KALRN: variants seen among roughly 807,000 people sequenced by gnomAD.
The protein encoded by KALRN is kalirin RhoGEF kinase.
KALRN carries 70 observed loss-of-function variants against 353.7 expected under a neutral mutation model. The observed-to-expected ratio is 0.20, with a 90% CI of 0.16 to 0.24. The LOEUF (loss-of-function observed/expected upper bound fraction) is 0.24. Ranked by LOEUF, KALRN falls within the 10% of genes least tolerant of loss-of-function variation. The pLI is 1.00. For synonymous variants in KALRN, 1,391 were observed against 1,434.8 expected (o/e 0.97, Z 0.69); for missense variants, 2,791 against 3,756.7 (o/e 0.74, Z 6.72).
chr3:124,113,029 G>A (rs532176593), intron 1 of KALRN, among the ~76,000 whole-genome samples: 1 of 152,290 alleles, frequency 6.6e-6, no homozygotes, highest in Admixed American at 6.5e-5. Flanking sequence ...AGGAAAAATA[G>A]TTAATAAATT....
At chr3:124,404,903 G>C (rs367746850) in intron 13 of KALRN, among the ~76,000 whole-genome samples, 1 of 151,910 alleles carries the variant, frequency 6.6e-6, no homozygotes, top group Non-Finnish European at 1.5e-5. Flanking sequence ...AAAACCATTC[G>C]AGACTGCAAG....
chr3:124,399,513 T>C (rs538952252), intron 13 of KALRN, among the ~76,000 whole-genome samples: 77 of 152,360 alleles, frequency 5.1e-4, no homozygotes, highest in African/African-American at 1.8e-3. Flanking sequence ...GCTGGTAGTT[T>C]GCTGATTGGA....
intron 4 of KALRN, among the ~76,000 whole-genome samples, chr3:124,267,418 TGA>T (rs2073690876): frequency 6.6e-6 from 1 of 152,232 alleles, no homozygotes; most frequent in African/African-American, 2.4e-5. Flanking sequence ...ACTGCTGGTC[TGA>T]GAGCTATGCT....
rs189944874 is a variant in KALRN at position 124,268,075 on chromosome 3, A to G, written c.457-668A>G. 3.9e-5 allele frequency among the ~76,000 whole-genome samples: 6 copies of G among 152,290 alleles called. No individual in the cohort carries two copies. In the East Asian group the frequency reaches 1.2e-3, roughly 29 times the overall value. On this transcript the variant is annotated intron_variant, in intron 4 of 59. Transcript: ENST00000682506. ...CTATAGGAAGGAAAAGATGTTTACT[A>G]ATAAACTAAGGTGGTTGCCTGCATC...
intron 30 of KALRN, 106 bp from the exon 31 acceptor site, chr3:124,491,217 C>T: frequency 1.5e-6 from 1 of 672,132 alleles, no homozygotes; most frequent in Non-Finnish European, 2.4e-6. Flanking sequence ...ACAGAAGCCC[C>T]TCCCTCGGTC....
At position 124,722,610 on chromosome 3, in the gene KALRN, T is replaced by C. The variant is rs332515; in HGVS notation, c.*3140T>C. 1.3e-5 allele frequency: 2 copies of C among 152,068 alleles called. No homozygotes were observed. The highest frequency in any genetic ancestry group is 4.8e-5 in the African/African-American group (2 of 41,462). 9.4% of individuals were successfully genotyped at this position (152,068 alleles called of 1,614,324 possible). ...AACAAGGAATCCCAGATGATGATGA[T>C]CCTGGGGAATGTACTTTAGGTTGCT... is the stretch of plus-strand genomic sequence containing the variant. On this transcript the variant is annotated 3_prime_UTR_variant, in exon 60 of 60. Coordinates refer to ENST00000682506, the MANE Select transcript of KALRN (RefSeq NM_001388419.1).
intron 51 of KALRN, among the ~76,000 whole-genome samples, chr3:124,691,990 A>G (rs932184114): frequency 1.3e-5 from 2 of 152,220 alleles, no homozygotes; most frequent in Admixed American, 1.3e-4. Context: ...CCTCCGGGGC[A>G]GGAAGTTGGT....
rs544717465 is a variant in KALRN at position 124,411,029 on chromosome 3, A to G, written c.2347-2441A>G. On this transcript the variant is annotated intron_variant, in intron 13 of 59. Coordinates refer to ENST00000682506, the MANE Select transcript of KALRN (RefSeq NM_001388419.1). ...TCTACTCAGCTGTAGCAAGGAATGA[A>G]CTAAACATACACACAGCAGCGTGGA... 6.6e-5 allele frequency among the ~76,000 whole-genome samples: 10 copies of G among 152,344 alleles called. No homozygotes were observed. In the East Asian group the frequency reaches 1.9e-3, roughly 29 times the overall value.
chr3:124,711,416 T>C (rs1013388040), intron 57 of KALRN, among the ~76,000 whole-genome samples: 26 of 152,200 alleles, frequency 1.7e-4, no homozygotes, highest in Non-Finnish European at 3.7e-4. Context: ...AGGAGGCAGT[T>C]AGATCATCTT....
intron 9 of KALRN, among the ~76,000 whole-genome samples, chr3:124,336,634 T>G (rs1025879592): frequency 6.6e-6 from 1 of 152,116 alleles, no homozygotes; most frequent in African/African-American, 2.4e-5. Context: ...ATCTGACTTT[T>G]CTGTGGCTAC....
intron 11 of KALRN, among the ~76,000 whole-genome samples, chr3:124,389,868 A>T (rs943995413): frequency 6.6e-6 from 1 of 152,172 alleles, no homozygotes; most frequent in African/African-American, 2.4e-5. Flanking sequence ...TTCTTCAATG[A>T]TATTTTAAAT....
At chr3:124,658,181 T>G (rs2084329898) in intron 41 of KALRN, among the ~76,000 whole-genome samples, 1 of 152,176 alleles carries the variant, frequency 6.6e-6, no homozygotes, top group South Asian at 2.1e-4. Context: ...ATAAAATTTC[T>G]TCTCTTCTGC....
intron 10 of KALRN, among the ~76,000 whole-genome samples, chr3:124,371,324 CGAAGGTTGAGTTCATATCTT>C (rs1560715038): frequency 2.0e-5 from 3 of 152,206 alleles, no homozygotes; most frequent in East Asian, 1.9e-4. Context: ...CTGATGGGCA[CGAAGGTTGAGTTCATATCTT>C]GAAGGTTGAG....
At chr3:124,356,226 C>T (rs112994124) in intron 10 of KALRN, among the ~76,000 whole-genome samples, 8,109 of 152,078 alleles carry the variant, frequency 0.053, 695 homozygotes, top group African/African-American at 0.18. Flanking sequence ...TTAATCTTAC[C>T]AGGGACTCCA....
chr3:124,675,171 C>T (rs1253539975), intron 49 of KALRN: 1 of 152,138 alleles, frequency 6.6e-6, no homozygotes, highest in African/African-American at 2.4e-5. Context: ...AATTTCCCTT[C>T]ACCCCGTCAC....
intron 1 of KALRN, among the ~76,000 whole-genome samples, chr3:124,046,155 T>C (rs1211844481): frequency 6.6e-6 from 1 of 152,232 alleles, no homozygotes; most frequent in Non-Finnish European, 1.5e-5. Flanking sequence ...TCAGGTCCAG[T>C]GATTTTTTCT....
intron 58 of KALRN, among the ~76,000 whole-genome samples, chr3:124,713,608 C>T (rs1366465577): frequency 6.6e-6 from 1 of 152,150 alleles, no homozygotes; most frequent in East Asian, 1.9e-4. Context: ...CCACTCATTC[C>T]AGATTTTCTA....
chr3:124,120,741 TATA>T (rs1560005095), intron 1 of KALRN, among the ~76,000 whole-genome samples: 5 of 145,362 alleles, frequency 3.4e-5, no homozygotes, highest in Non-Finnish European at 6.0e-5. Flanking sequence ...TATATATATA[TATA>T]TTTTCACATA....
At chr3:124,040,304 A>G (rs1162111369) in intron 1 of KALRN, among the ~76,000 whole-genome samples, 6 of 152,206 alleles carry the variant, frequency 3.9e-5, no homozygotes, top group Admixed American at 1.3e-4. Flanking sequence ...TTACTTTTCA[A>G]AGTTTTCTCT....
Sources: gnomAD v4.1 joint callset for allele counts (sites outside exome capture counted in the v4.1 genomes callset) on GRCh38, gnomAD v4.1.1 for gene constraint, MANE v1.5 for transcripts, NCBI Gene and HGNC (gene_info 2026-07-23, HGNC 2026-07-21) for gene names.